The following ARID5B variants were observed in gnomAD, a reference collection of about 807,000 sequenced individuals.
The protein encoded by ARID5B is AT-rich interaction domain 5B, also known as AT-rich interactive domain-containing protein 5B.
Under a neutral mutation model 97.2 loss-of-function variants are expected in ARID5B, and 13 were observed. The ratio of observed to expected loss-of-function variants is 0.13; its 90% CI spans 0.09 to 0.21. ARID5B has a LOEUF of 0.21. ARID5B is among the 10% of genes least tolerant of loss of function. The pLI, the probability that ARID5B is intolerant of heterozygous loss-of-function variation, is 1.00. For missense variants in ARID5B, 1,210 were observed against 1,465.3 expected, an observed-to-expected ratio of 0.83 and a Z score of 2.84; for synonymous variants, 556 against 570.3, an observed-to-expected ratio of 0.97 and a Z score of 0.36.
chr10:61,940,059 C>T (rs1844372720), intron 2 of ARID5B, 124 bp from the exon 3 acceptor site: 1 of 755,490 alleles, frequency 1.3e-6, no homozygotes, highest in Non-Finnish European at 2.3e-6. Flanking sequence ...CCAGAATGCA[C>T]ACAGTCTCCT....
rs537145975 is a variant in ARID5B at position 62,007,479 on chromosome 10, G to T, written c.733+7158G>T. On this transcript the variant is annotated intron_variant, in intron 4 of 9. Coordinates refer to ENST00000279873, the MANE Select transcript of ARID5B (RefSeq NM_032199.3). ...CCCACTTTTATAGTATGTGGAAAGGGGAGTGACAAAATGTGAGATAACTGT... is the reference window on the plus strand; with the variant it reads ...CCCACTTTTATAGTATGTGGAAAGGTGAGTGACAAAATGTGAGATAACTGT... Among the ~76,000 whole-genome samples the T allele has an allele frequency of 3.9e-5, 6 of 152,294 alleles. No homozygotes were observed. The South Asian group carries it at 1.2e-3, about 32-fold the overall frequency.
In ARID5B at chr10:62,000,352, T is replaced by A. The variant is rs2132867834; in HGVS notation, c.733+31T>A. The stretch of plus-strand genomic sequence containing the variant: ...TCTTTTTTTTTTTTTCCTACCTGAT[T>A]CTTGTGCGTGTGTGCCTAGTTGTTT... On this transcript the variant is annotated intron_variant, in intron 4 of 9. Coordinates refer to ENST00000279873, the MANE Select transcript of ARID5B (RefSeq NM_032199.3). This position sits in a 1 kb window ranked among gnomAD's most constrained non-coding sequence, Gnocchi z 4.4. 6.5e-7 allele frequency: 1 copy of A among 1,535,296 alleles called. No individual in the cohort carries two copies. Among genetic ancestry groups the A allele is most frequent in the Non-Finnish European group, 8.8e-7 (1 of 1,131,278 alleles).
chr10:62,092,002 C>T lies in ARID5B; in HGVS notation c.2539C>T (p.His847Tyr). The stretch of plus-strand genomic sequence containing the variant: ...TAGCCTCTACAGACACACCGAGCAC[C>T]ATCTTCATAATGAACAGACATCCAA... Reference protein sequence around the residue: ...LHSLYRHTEHHLHNEQTSKYP... With the variant: ...LHSLYRHTEHYLHNEQTSKYP... The change falls in exon 10 of 10, where the codon CAT becomes TAT. Residue 847 changes from histidine (H) to tyrosine (Y), a missense_variant. Physicochemically the swap from His to Tyr is moderately conservative, Grantham distance 83 (BLOSUM62 2). Around this residue, in one of 8 missense-constraint regions of ARID5B, gnomAD observed 800 missense variants for 839.1 expected, o/e 0.95. Coordinates refer to ENST00000279873, the MANE Select transcript of ARID5B (RefSeq NM_032199.3). 1 of 1,614,124 alleles carries T rather than the reference C, an allele frequency of 6.2e-7. No homozygotes were observed. The highest frequency in any genetic ancestry group is 8.5e-7 in the Non-Finnish European group (1 of 1,180,018).
intron 3 of ARID5B, among the ~76,000 whole-genome samples, chr10:61,947,128 A>C (rs1374291355): frequency 6.6e-6 from 1 of 151,982 alleles, no homozygotes; most frequent in Admixed American, 6.6e-5. Flanking sequence ...TACCCACATG[A>C]CTCTTCAAGA....
chr10:61,949,573 G>A (rs1838294331), intron 3 of ARID5B, among the ~76,000 whole-genome samples: 1 of 152,084 alleles, frequency 6.6e-6, no homozygotes, highest in Non-Finnish European at 1.5e-5. Flanking sequence ...GGAGGCGGAG[G>A]TTGCAGTGAG....
At chr10:62,036,015 C>T (rs1329295788) in intron 4 of ARID5B, among the ~76,000 whole-genome samples, 1 of 151,248 alleles carries the variant, frequency 6.6e-6, no homozygotes, top group African/African-American at 2.4e-5. Context: ...AGTAGAGACG[C>T]GGTTTCACTG....
At chr10:61,963,304 G>A (rs1241951582) in intron 3 of ARID5B, among the ~76,000 whole-genome samples, 1 of 152,082 alleles carries the variant, frequency 6.6e-6, no homozygotes, top group Non-Finnish European at 1.5e-5. Context: ...AGTTTGCCTG[G>A]TTTATCTCCT....
intron 4 of ARID5B, among the ~76,000 whole-genome samples, chr10:62,009,678 A>G (rs1037043489): frequency 1.3e-5 from 2 of 152,194 alleles, no homozygotes; most frequent in African/African-American, 4.8e-5. Flanking sequence ...GTCAGGAGTT[A>G]TTTTGAAGTT....
chr10:61,967,514 G>A (rs192638513), intron 3 of ARID5B, among the ~76,000 whole-genome samples: 6 of 152,312 alleles, frequency 3.9e-5, no homozygotes, highest in East Asian at 1.9e-4. Context: ...CCTGGCTGGC[G>A]ATGGTTTGTT....
intron 3 of ARID5B, among the ~76,000 whole-genome samples, chr10:61,961,676 G>A (rs551589129): frequency 7.4e-4 from 113 of 152,264 alleles, no homozygotes; most frequent in African/African-American, 2.6e-3. Flanking sequence ...TCTTATCAGT[G>A]GTTTGATACC....
chr10:61,927,009 A>G (rs61852290), intron 2 of ARID5B, among the ~76,000 whole-genome samples: 19,980 of 152,198 alleles, frequency 0.13, 1,748 homozygotes, highest in South Asian at 0.26. Context: ...CTTTTACAGC[A>G]ATCTAATAAT....
chr10:62,042,340 C>G (rs1047462371), intron 4 of ARID5B, among the ~76,000 whole-genome samples: 2 of 152,156 alleles, frequency 1.3e-5, no homozygotes, highest in Non-Finnish European at 2.9e-5. Flanking sequence ...GGAAATGGCT[C>G]GTGGACACCT....
intron 2 of ARID5B, among the ~76,000 whole-genome samples, chr10:61,928,394 G>T (rs1844144712): frequency 6.6e-6 from 1 of 152,096 alleles, no homozygotes; most frequent in Non-Finnish European, 1.5e-5. Context: ...TCAACTTCCT[G>T]GGCTCAGGTG....
At chr10:62,020,263 A>C (rs1257944426) in intron 4 of ARID5B, among the ~76,000 whole-genome samples, 1 of 152,198 alleles carries the variant, frequency 6.6e-6, no homozygotes, top group Non-Finnish European at 1.5e-5. Flanking sequence ...AAAGAATGAA[A>C]ACACATTAAT....
At chr10:61,910,027 G>T (rs192465996) in intron 2 of ARID5B, among the ~76,000 whole-genome samples, 3 of 152,316 alleles carry the variant, frequency 2.0e-5, no homozygotes, top group African/African-American at 7.2e-5. Flanking sequence ...CTCGCCTGGT[G>T]TTGGTTGGCA....
chr10:62,066,017 G>T (rs1303568761), intron 7 of ARID5B, among the ~76,000 whole-genome samples: 1 of 152,136 alleles, frequency 6.6e-6, no homozygotes, highest in Non-Finnish European at 1.5e-5. Context: ...CCAGCTGATT[G>T]AGGCTGGGTA....
Position 62,092,368 on chromosome 10 carries a change from C to A in ARID5B, c.2905C>A (p.Pro969Thr). 6.2e-7 allele frequency: 1 copy of A among 1,614,128 alleles called. No individual in the cohort carries two copies. The highest frequency in any genetic ancestry group is 8.5e-7 in the Non-Finnish European group (1 of 1,180,010). The change falls in exon 10 of 10, where the codon CCT (proline) becomes ACT (threonine). Residue 969 changes from proline (P) to threonine (T), a missense_variant. Physicochemically the swap from Pro to Thr is conservative, Grantham distance 38 (BLOSUM62 -1). Transcript: ENST00000279873. The stretch of plus-strand genomic sequence containing the variant: ...GACCATGTCAGGCCCTAAAAAATAC[C>A]CTGAATCGCTTTCAAGATCAGGAAA... ...PMTMSGPKKY[P>T]ESLSRSGKPH...
intron 2 of ARID5B, among the ~76,000 whole-genome samples, chr10:61,912,902 T>C (rs1843832997): frequency 6.6e-6 from 1 of 152,196 alleles, no homozygotes; most frequent in African/African-American, 2.4e-5. Context: ...GAATGCTATT[T>C]TCCCTTTGGT....
intron 3 of ARID5B, among the ~76,000 whole-genome samples, chr10:61,944,308 A>G (rs1446180040): frequency 6.6e-6 from 1 of 152,206 alleles, no homozygotes; most frequent in Non-Finnish European, 1.5e-5. Context: ...TCACCACACA[A>G]GCCTCTAGTT....
Sources: allele counts gnomAD v4.1 joint callset (sites outside exome capture counted in the v4.1 genomes callset), GRCh38; gene constraint gnomAD v4.1.1; regional missense constraint gnomAD v4.1.1; non-coding constraint Gnocchi (gnomAD v3.1); transcripts MANE v1.5; gene names NCBI Gene and HGNC (gene_info 2026-07-23, HGNC 2026-07-21).